The following OSBPL1A variants were observed in gnomAD, a reference collection of about 807,000 sequenced individuals.
The protein encoded by OSBPL1A is oxysterol binding protein like 1A.
In OSBPL1A, 80 loss-of-function variants were observed where a neutral mutation model predicts 137.1. That is an observed-to-expected ratio of 0.58 (90% CI 0.49 to 0.70). The LOEUF is 0.70. Ranked by LOEUF, OSBPL1A falls within the 30% of genes least tolerant of loss-of-function variation. The probability of loss-of-function intolerance (pLI) is 0.00; values close to 1 mark genes in which losing one functional copy is unlikely to be tolerated. For missense variants in OSBPL1A, 970 were observed against 1,129.4 expected (o/e 0.86, Z 2.02); for synonymous variants, 365 against 389.7 (o/e 0.94, Z 0.75).
At position 24,303,705 on chromosome 18, in the gene OSBPL1A, C is replaced by A. The variant is rs771138354; in HGVS notation, c.1106G>T (p.Cys369Phe). 1.9e-6 allele frequency: 3 copies of A among 1,613,052 alleles called. No homozygotes were observed. Among genetic ancestry groups the A allele is most frequent in the Admixed American group, 1.7e-5 (1 of 59,978 alleles). Residue 369 changes from cysteine to phenylalanine, a missense_variant, in exon 14 of 28, where the codon TGC becomes TTC. Cys to Phe is a radical substitution (Grantham distance 205). This residue lies in a region of OSBPL1A where 647 missense variants were observed against 672.6 expected (regional missense o/e 0.96). Coordinates refer to ENST00000319481, the MANE Select transcript of OSBPL1A (RefSeq NM_080597.4). Reference sequence around the variant, plus strand: ...AATTTCCCTATCTAGTCGCTGTTGGCATGACTGTGCTTTCTGCAAAAAAAG... The same window carrying A: ...AATTTCCCTATCTAGTCGCTGTTGGAATGACTGTGCTTTCTGCAAAAAAAG... ...LKKSLEKAQS[C>F]QQRLDREISN... is the part of the protein sequence containing the mutation.
intron 5 of OSBPL1A, among the ~76,000 whole-genome samples, chr18:24,334,617 A>G (rs530818967): frequency 3.3e-5 from 5 of 152,296 alleles, no homozygotes; most frequent in East Asian, 3.9e-4. Flanking sequence ...ACACTATTAC[A>G]TATTTGCCTT....
intron 19 of OSBPL1A, 65 bp downstream of exon 19, chr18:24,181,080 G>A (rs746683472): frequency 2.1e-5 from 32 of 1,536,156 alleles, no homozygotes; most frequent in Non-Finnish European, 2.6e-5. Flanking sequence ...GAACGTGTGT[G>A]TGTTCGGGGC....
intron 15 of OSBPL1A, among the ~76,000 whole-genome samples, chr18:24,267,193 T>C (rs1420453073): frequency 6.6e-6 from 1 of 150,822 alleles, no homozygotes; most frequent in African/African-American, 2.4e-5. Flanking sequence ...ACCTTTATAA[T>C]ACATTTCAAA....
intron 17 of OSBPL1A, among the ~76,000 whole-genome samples, chr18:24,219,661 T>C (rs1263271191): frequency 1.3e-5 from 2 of 152,020 alleles, no homozygotes; most frequent in African/African-American, 4.8e-5. Flanking sequence ...ATCATTTGCT[T>C]AGAAAATGCT....
chr18:24,354,792 ATGAAAGTAGTATC>A (rs2091504395), intron 4 of OSBPL1A, among the ~76,000 whole-genome samples: 1 of 146,944 alleles, frequency 6.8e-6, no homozygotes, highest in African/African-American at 2.5e-5. Flanking sequence ...GAAAAAGATG[ATGAAAGTAGTATC>A]TGCTACCATT....
intron 15 of OSBPL1A, among the ~76,000 whole-genome samples, chr18:24,260,580 G>A (rs1242887777): frequency 5.3e-5 from 8 of 152,130 alleles, no homozygotes; most frequent in African/African-American, 1.7e-4. Flanking sequence ...CCATTTACAC[G>A]AAATGTTCAA....
chr18:24,290,721 C>T (rs1325168812), intron 14 of OSBPL1A, among the ~76,000 whole-genome samples: 1 of 151,928 alleles, frequency 6.6e-6, no homozygotes, highest in Non-Finnish European at 1.5e-5. Context: ...AAACAAAACA[C>T]AACAACAACA....
chr18:24,338,097 CAG>C (rs1379448783), intron 5 of OSBPL1A, among the ~76,000 whole-genome samples: 2 of 145,844 alleles, frequency 1.4e-5, no homozygotes, highest in African/African-American at 2.6e-5. Context: ...TTTTTTGAGA[CAG>C]AGTCTCACTG....
chr18:24,312,120 A>C lies in OSBPL1A; in HGVS notation c.970-14T>G. 1.2e-6 allele frequency: 2 copies of C among 1,613,138 alleles called. No individual in the cohort carries two copies. The highest frequency in any genetic ancestry group is 2.2e-5 in the South Asian group (2 of 90,772). ...TTCCAGCCAGTCCTGAAATCATGCA[A>C]GAATTTAAATGAGAGTGAAAAGCAT... On this transcript the variant is annotated splice_polypyrimidine_tract_variant and intron_variant, in intron 12 of 27. Transcript: ENST00000319481.
chr18:24,244,258 T>C (rs1348797969), intron 15 of OSBPL1A, among the ~76,000 whole-genome samples: 1 of 152,234 alleles, frequency 6.6e-6, no homozygotes, highest in African/African-American at 2.4e-5. Flanking sequence ...ATGTGAATAT[T>C]GATTACTAGA....
intron 7 of OSBPL1A, among the ~76,000 whole-genome samples, chr18:24,331,271 T>G (rs2091072536): frequency 6.6e-6 from 1 of 152,192 alleles, no homozygotes; most frequent in African/African-American, 2.4e-5. Context: ...TGGGGTGTGA[T>G]TTAGGCTCTG....
intron 13 of OSBPL1A, among the ~76,000 whole-genome samples, chr18:24,311,112 AATTAAG>A (rs1298667605): frequency 6.6e-6 from 1 of 150,954 alleles, no homozygotes; most frequent in African/African-American, 2.4e-5. Flanking sequence ...TTCCATCATA[AATTAAG>A]ATTAGGGATT....
intron 17 of OSBPL1A, among the ~76,000 whole-genome samples, chr18:24,198,516 G>GT (rs1567939094): frequency 1.3e-5 from 2 of 152,144 alleles, no homozygotes; most frequent in Non-Finnish European, 2.9e-5. Context: ...AGGGGAAGGG[G>GT]TTTTGAAAGG....
intron 17 of OSBPL1A, among the ~76,000 whole-genome samples, chr18:24,212,459 A>G (rs2087573191): frequency 6.6e-6 from 1 of 152,220 alleles, no homozygotes; most frequent in African/African-American, 2.4e-5. Context: ...TTAATAAGAC[A>G]GAATTCAAAA....
At chr18:24,348,260 C>T (rs778963149) in intron 4 of OSBPL1A, among the ~76,000 whole-genome samples, 12 of 152,070 alleles carry the variant, frequency 7.9e-5, no homozygotes, top group Non-Finnish European at 1.3e-4. Context: ...AATTTAAGGC[C>T]AGATTAAAGA....
intron 4 of OSBPL1A, among the ~76,000 whole-genome samples, chr18:24,364,311 G>A (rs548886576): frequency 2.0e-5 from 3 of 152,166 alleles, no homozygotes; most frequent in Non-Finnish European, 2.9e-5. Flanking sequence ...AGGAAGAAGC[G>A]AGAAATGCCT....
chr18:24,170,190 AAAGAG>A (rs1286768645), intron 24 of OSBPL1A, 132 bp downstream of exon 24: 3 of 1,030,812 alleles, frequency 2.9e-6, no homozygotes, highest in Non-Finnish European at 4.3e-6. Context: ...TGATCATTAA[AAAGAG>A]AAAAGTGACA....
intron 17 of OSBPL1A, among the ~76,000 whole-genome samples, chr18:24,204,798 A>G (rs1483640259): frequency 6.6e-6 from 1 of 150,770 alleles, no homozygotes; most frequent in African/African-American, 2.4e-5. Context: ...TCTCTCCAAC[A>G]CTTCTCTTAC....
chr18:24,241,028 G>A (rs1437586517), intron 15 of OSBPL1A, among the ~76,000 whole-genome samples: 10 of 152,194 alleles, frequency 6.6e-5, no homozygotes, highest in African/African-American at 1.2e-4. Flanking sequence ...AATGGGGAAA[G>A]GATTCCCTAT....
Sources: allele counts gnomAD v4.1 joint callset (sites outside exome capture counted in the v4.1 genomes callset), GRCh38; gene constraint gnomAD v4.1.1; regional missense constraint gnomAD v4.1.1; transcripts MANE v1.5; gene names NCBI Gene and HGNC (gene_info 2026-07-23, HGNC 2026-07-21).